Variants in ERAP1 observed in about 807,000 individuals in gnomAD.
ERAP1 encodes endoplasmic reticulum aminopeptidase 1, also known as adipocyte-derived leucine aminopeptidase.
ERAP1 carries 86 observed loss-of-function variants against 103.7 expected under a neutral mutation model. The ratio of observed to expected loss-of-function variants is 0.83; its 90% CI spans 0.70 to 0.99. The LOEUF is 0.99. Ranked by LOEUF, ERAP1 falls within the 50% of genes least tolerant of loss-of-function variation. The pLI is 0.00. For synonymous variants in ERAP1, 398 were observed against 402.4 expected (o/e 0.99, Z 0.13); for missense variants, 1,009 against 1,128.4 (o/e 0.89, Z 1.52).
At chr5:96,789,516 A>T (rs1471580894) in intron 10 of ERAP1, among the ~76,000 whole-genome samples, 1 of 152,154 alleles carries the variant, frequency 6.6e-6, no homozygotes, top group Non-Finnish European at 1.5e-5. Context: ...AAAAGATAAA[A>T]TGTGCCACAG....
At chr5:96,767,732 A>G (rs1206974364) in intron 19 of ERAP1, among the ~76,000 whole-genome samples, 2 of 152,202 alleles carry the variant, frequency 1.3e-5, no homozygotes, top group African/African-American at 4.8e-5. Context: ...AAAAAAAGCC[A>G]TCAAGATTTT....
the ERAP1 span, among the ~76,000 whole-genome samples, chr5:96,911,062 CAT>C: frequency 6.6e-6 from 1 of 152,144 alleles, no homozygotes; most frequent in African/African-American, 2.4e-5. Flanking sequence ...TATTTAAGTA[CAT>C]ATAGTATAGA....
Position 96,794,908 on chromosome 5 carries a change from C to T in ERAP1, c.919+134G>A. The T allele has an allele frequency of 1.3e-5, 13 of 974,624 alleles. No individual in the cohort carries two copies. The South Asian group carries it at 1.8e-4, about 14-fold the overall frequency. 60.4% of individuals were successfully genotyped at this position (974,624 alleles called of 1,614,324 possible). A position where few individuals can be genotyped will look rare whatever the true frequency, so the allele number is the denominator to read the frequency against. ...AGGAGATGCTCAGAAAGATCAACCG[C>T]AGGTTTGTCACTTGCTGGGGTTTTT... On this transcript the variant is annotated intron_variant, in intron 5 of 18. Transcript: ENST00000443439.
At chr5:96,848,115 C>G in the ERAP1 span, among the ~76,000 whole-genome samples, 1 of 152,150 alleles carries the variant, frequency 6.6e-6, no homozygotes, top group Non-Finnish European at 1.5e-5. Flanking sequence ...GTGGTGCTGT[C>G]TCAGCTCACT....
At chr5:96,913,408 C>G in the ERAP1 span, 1 of 1,614,098 alleles carries the variant, frequency 6.2e-7, no homozygotes, top group Non-Finnish European at 8.5e-7. Context: ...AAAGGGGCAG[C>G]AACTAGCATG....
chr5:96,882,866 T>C, the ERAP1 span, among the ~76,000 whole-genome samples: 10 of 152,140 alleles, frequency 6.6e-5, no homozygotes, highest in Admixed American at 4.6e-4. Flanking sequence ...CTGACCTCTC[T>C]CTCCCTCTTA....
chr5:96,921,641 G>A, the ERAP1 span, among the ~76,000 whole-genome samples: 19 of 152,146 alleles, frequency 1.2e-4, no homozygotes, highest in Admixed American at 2.6e-4. Context: ...CTTTCTTCCA[G>A]ATGTCCTAAT....
chr5:96,908,858 A>C, the ERAP1 span: 1 of 1,205,682 alleles, frequency 8.3e-7, no homozygotes, highest in Non-Finnish European at 1.2e-6. Flanking sequence ...AGCTATAATG[A>C]CCTACTTCTG....
chr5:96,920,914 G>A, the ERAP1 span, among the ~76,000 whole-genome samples: 3 of 152,174 alleles, frequency 2.0e-5, no homozygotes, highest in Admixed American at 6.5e-5. Context: ...AGTCTGTGCT[G>A]GGTAGTTTCC....
At chr5:96,892,157 T>C in the ERAP1 span, 2 of 760,338 alleles carry the variant, frequency 2.6e-6, no homozygotes, top group Admixed American at 5.3e-5. Flanking sequence ...TAAGACACCC[T>C]GTCAATGTTA....
chr5:96,836,176 G>GTTTTTTTTTTT, the ERAP1 span, among the ~76,000 whole-genome samples: 25 of 106,670 alleles, frequency 2.3e-4, no homozygotes, highest in South Asian at 3.6e-4. Flanking sequence ...CACCTCTTTG[G>GTTTTTTTTTTT]TTTTTTTTTT....
At position 96,775,128 on chromosome 5, in the gene ERAP1, TC is replaced by T; in HGVS notation, c.*1267del. ...TTCAGAATAAGAAATAAAATCTAAT[TC>T]TTAGGGTATTAACTGACTTGACTTG... On this transcript the variant is annotated 3_prime_UTR_variant, in exon 19 of 19. Transcript: ENST00000443439. The T allele has an allele frequency of 1.0e-6, 1 of 985,490 alleles. No homozygotes were observed. Among genetic ancestry groups the T allele is most frequent in the Non-Finnish European group, 1.2e-6 (1 of 829,906 alleles). The allele number at this position is 985,490 out of a possible 1,614,324, so 61.0% of individuals were successfully genotyped here. A position where few individuals can be genotyped will look rare whatever the true frequency, so the allele number is the denominator to read the frequency against.
the ERAP1 span, chr5:96,912,562 G>A: frequency 1.9e-6 from 2 of 1,078,552 alleles, no homozygotes; most frequent in African/African-American, 3.2e-5. Context: ...TTGTGTTATA[G>A]GACTTAAAAT....
At chr5:96,912,194 AAAAAAAAAAAG>A in the ERAP1 span, among the ~76,000 whole-genome samples, 270 of 150,506 alleles carry the variant, frequency 1.8e-3, 3 homozygotes, top group South Asian at 0.014. Context: ...ACCTCAAAAA[AAAAAAAAAAAG>A]AAAAGAAAAG....
chr5:96,868,725 G>C, the ERAP1 span, among the ~76,000 whole-genome samples: 5 of 152,092 alleles, frequency 3.3e-5, no homozygotes, highest in Admixed American at 2.0e-4. Context: ...AATTCCATTT[G>C]GGAAAGACTG....
intron 4 of ERAP1, 45 bp from the exon 5 acceptor site, chr5:96,795,207 T>C: frequency 6.2e-7 from 1 of 1,608,576 alleles, no homozygotes; most frequent in Non-Finnish European, 8.5e-7. Flanking sequence ...CTTAACTGGC[T>C]TCTCTCCCCA....
chr5:96,771,566 C>T (rs1311090500), downstream of ERAP1: 2 of 1,058,842 alleles, frequency 1.9e-6, no homozygotes, highest in East Asian at 2.5e-5. Context: ...ATCTTTTGTC[C>T]CCTAATTCTG....
At chr5:96,916,765 C>CTT in the ERAP1 span, among the ~76,000 whole-genome samples, 860 of 145,000 alleles carry the variant, frequency 5.9e-3, 8 homozygotes, top group Admixed American at 0.024. Context: ...ACCAGCCTAT[C>CTT]TTTTTTTTTT....
At chr5:96,924,598 ATT>A in the ERAP1 span, among the ~76,000 whole-genome samples, 3 of 144,764 alleles carry the variant, frequency 2.1e-5, no homozygotes, top group African/African-American at 5.1e-5. Context: ...GGGCTAACAG[ATT>A]TTTTTTTTTT....
Sources: allele counts gnomAD v4.1 joint callset (sites outside exome capture counted in the v4.1 genomes callset), GRCh38; gene constraint gnomAD v4.1.1; transcripts MANE v1.5; gene names NCBI Gene and HGNC (gene_info 2026-07-23, HGNC 2026-07-21).